KCTD1: variants seen among roughly 807,000 people sequenced by gnomAD.
KCTD1 encodes BTB/POZ domain-containing protein KCTD1.
Under a neutral mutation model 66.0 loss-of-function variants are expected in KCTD1, and 24 were observed. The ratio of observed to expected loss-of-function variants is 0.36; its 90% CI spans 0.26 to 0.51. The LOEUF (loss-of-function observed/expected upper bound fraction) is 0.51. Ranked by LOEUF, KCTD1 falls within the 20% of genes least tolerant of loss-of-function variation. The pLI, the probability that KCTD1 is intolerant of heterozygous loss-of-function variation, is 0.95. For missense variants in KCTD1, 943 were observed against 1,205.2 expected, an observed-to-expected ratio of 0.78 and a Z score of 3.22; for synonymous variants, 511 against 517.2, an observed-to-expected ratio of 0.99 and a Z score of 0.16.
At chr18:26,577,991 A>C (rs1220356312) in intron 1 of KCTD1, among the ~76,000 whole-genome samples, 1 of 151,562 alleles carries the variant, frequency 6.6e-6, no homozygotes, top group Non-Finnish European at 1.5e-5. Flanking sequence ...CTGGGCCATC[A>C]CTGTAACTCA....
intron 2 of KCTD1, among the ~76,000 whole-genome samples, chr18:26,488,204 G>A (rs1442145055): frequency 1.3e-5 from 2 of 151,506 alleles, no homozygotes; most frequent in African/African-American, 2.4e-5. Flanking sequence ...TTTTAACGTG[G>A]TTCCCTAGGT....
At chr18:26,511,570 C>T (rs1983334061) in intron 1 of KCTD1, among the ~76,000 whole-genome samples, 1 of 152,148 alleles carries the variant, frequency 6.6e-6, no homozygotes, top group African/African-American at 2.4e-5. Flanking sequence ...AGAGGGCCTT[C>T]GAGTCTGAAA....
At chr18:26,463,994 G>T (rs942609094) in intron 3 of KCTD1, among the ~76,000 whole-genome samples, 1 of 152,258 alleles carries the variant, frequency 6.6e-6, no homozygotes, top group East Asian at 1.9e-4. Flanking sequence ...ATGCAAACAG[G>T]CCAGGTTTTG....
upstream of KCTD1, among the ~76,000 whole-genome samples, chr18:26,552,969 A>T (rs893472436): frequency 6.6e-6 from 1 of 151,368 alleles, no homozygotes; most frequent in Admixed American, 6.6e-5. Flanking sequence ...TCTTGGTTTT[A>T]GAGGTTTCTT....
chr18:26,586,302 T>C (rs181943665), intron 1 of KCTD1, among the ~76,000 whole-genome samples: 1 of 152,338 alleles, frequency 6.6e-6, no homozygotes, highest in Non-Finnish European at 1.5e-5. Context: ...GACTTGATAT[T>C]ACTATTGCAA....
intron 1 of KCTD1, among the ~76,000 whole-genome samples, chr18:26,616,141 C>T (rs980568447): frequency 4.3e-5 from 6 of 138,118 alleles, no homozygotes; most frequent in Non-Finnish European, 9.3e-5. Context: ...TTAAGTGTTT[C>T]TTTTTTTTTT....
intron 1 of KCTD1, among the ~76,000 whole-genome samples, chr18:26,601,431 T>A (rs536942726): frequency 6.6e-6 from 1 of 152,068 alleles, no homozygotes; most frequent in South Asian, 2.1e-4. Context: ...TGACTATCCT[T>A]ATGTCAGCAT....
intron 1 of KCTD1, among the ~76,000 whole-genome samples, chr18:26,656,692 G>A (rs72639449): frequency 0.36 from 54,808 of 151,096 alleles, 11,892 homozygotes; most frequent in Non-Finnish European, 0.5. Context: ...GGGCGCCGCC[G>A]AGGCTGCCTG....
chr18:26,456,125 C>G, intron 4 of KCTD1: 1 of 496,354 alleles, frequency 2.0e-6, no homozygotes, highest in South Asian at 3.4e-5. Context: ...TTTACACACA[C>G]CAGCTACAAC....
At chr18:26,563,934 T>C (rs6650686) in intron 1 of KCTD1, among the ~76,000 whole-genome samples, 20,872 of 152,054 alleles carry the variant, frequency 0.14, 1,942 homozygotes, top group African/African-American at 0.27. Context: ...GATTTCTCCT[T>C]TGGTTCCCCA....
chr18:26,641,538 T>A (rs932036051), upstream of KCTD1, among the ~76,000 whole-genome samples: 1 of 152,176 alleles, frequency 6.6e-6, no homozygotes, highest in Non-Finnish European at 1.5e-5. Flanking sequence ...AGTTTCCTTT[T>A]TTCATTTCCC....
intron 1 of KCTD1, among the ~76,000 whole-genome samples, chr18:26,598,890 G>A (rs916760952): frequency 6.6e-6 from 1 of 152,110 alleles, no homozygotes; most frequent in Non-Finnish European, 1.5e-5. Context: ...TATTCGCAAT[G>A]CAAATCTTTT....
At chr18:26,620,524 C>T (rs1466281567) in intron 1 of KCTD1, among the ~76,000 whole-genome samples, 4 of 148,900 alleles carry the variant, frequency 2.7e-5, no homozygotes, top group East Asian at 3.9e-4. Flanking sequence ...GCATCCTCCA[C>T]CTCCGGGGCT....
At chr18:26,566,584 C>T (rs962199979) in intron 1 of KCTD1, 44 of 152,196 alleles carry the variant, frequency 2.9e-4, no homozygotes, top group Admixed American at 2.6e-3. Context: ...AGATTTCCAA[C>T]TTGACAAATC....
At chr18:26,466,436 G>T (rs1008359336) in intron 3 of KCTD1, among the ~76,000 whole-genome samples, 1 of 152,148 alleles carries the variant, frequency 6.6e-6, no homozygotes, top group Non-Finnish European at 1.5e-5. Context: ...CCTTAAGCTG[G>T]ACAACTGGTT....
intron 1 of KCTD1, among the ~76,000 whole-genome samples, chr18:26,535,037 T>G (rs1984625130): frequency 6.7e-6 from 1 of 149,152 alleles, no homozygotes; most frequent in South Asian, 2.2e-4. Flanking sequence ...CAGCAGAATC[T>G]TTTCACTCAC....
At position 26,546,897 on chromosome 18, in the gene KCTD1, C is replaced by A. The variant is rs1237679691; in HGVS notation, c.1640G>T (p.Cys547Phe). 2.7e-6 allele frequency: 4 copies of A among 1,484,006 alleles called. No individual in the cohort carries two copies. The highest frequency in any genetic ancestry group is 2.7e-6 in the Non-Finnish European group (3 of 1,116,036). 91.9% of individuals were successfully genotyped at this position (1,484,006 alleles called of 1,614,324 possible). A position where few individuals can be genotyped will look rare whatever the true frequency, so the allele number is the denominator to read the frequency against. ...YESVFGSGEI[C>F]GPTSPKRLCI... ...AAGTCTTTTGGGGGAAGTGGGGCCGCAGATTTCCCCCGACCCGAACACAGA... is the reference window on the plus strand; with the variant it reads ...AAGTCTTTTGGGGGAAGTGGGGCCGAAGATTTCCCCCGACCCGAACACAGA... The change falls in exon 1 of 5, where the codon TGC (cysteine) becomes TTC (phenylalanine). Residue 547 changes from cysteine to phenylalanine, a missense_variant. Physicochemically the swap from Cys to Phe is radical, Grantham distance 205. Coordinates refer to ENST00000580059, the MANE Select transcript of KCTD1 (RefSeq NM_001142730.3).
intron 1 of KCTD1, among the ~76,000 whole-genome samples, chr18:26,650,533 G>T (rs1988010755): frequency 6.6e-6 from 1 of 152,168 alleles, no homozygotes; most frequent in Non-Finnish European, 1.5e-5. Context: ...CCTTTACAAT[G>T]ATCTCATATT....
At chr18:26,519,336 G>C (rs1350470016) in intron 1 of KCTD1, among the ~76,000 whole-genome samples, 2 of 152,198 alleles carry the variant, frequency 1.3e-5, no homozygotes, top group African/African-American at 4.8e-5. Flanking sequence ...CAAAAGATGA[G>C]ACTCTGGTAT....
Sources: gnomAD v4.1 joint callset for allele counts (sites outside exome capture counted in the v4.1 genomes callset) on GRCh38, gnomAD v4.1.1 for gene constraint, MANE v1.5 for transcripts, NCBI Gene and HGNC (gene_info 2026-07-23, HGNC 2026-07-21) for gene names.